Variants in RCC1L observed in about 807,000 individuals in gnomAD.
RCC1L encodes RCC1 like, also known as RCC1-like G exchanging factor-like protein.
A neutral mutation model predicts 58.6 loss-of-function variants in RCC1L; 46 were observed. The ratio of observed to expected loss-of-function variants is 0.79; its 90% confidence interval spans 0.62 to 1.00. RCC1L has a LOEUF of 1.00. Among genes scored for constraint, RCC1L ranks in the 50% least tolerant of loss-of-function variants. The pLI is 0.00. For missense variants in RCC1L, 636 were observed against 623.6 expected, an observed-to-expected ratio of 1.02 and a Z score of -0.21; for synonymous variants, 281 against 262.9, an observed-to-expected ratio of 1.07 and a Z score of -0.67.
At chr7:75,067,258 G>C (rs1291813218) in intron 2 of RCC1L, among the ~76,000 whole-genome samples, 1 of 150,018 alleles carries the variant, frequency 6.7e-6, no homozygotes, top group Non-Finnish European at 1.5e-5. Context: ...CTGAGATTGC[G>C]CCATTGCACT....
chr7:75,044,004 A>G (rs1478186568), intron 10 of RCC1L, among the ~76,000 whole-genome samples: 2 of 152,192 alleles, frequency 1.3e-5, no homozygotes, highest in Non-Finnish European at 2.9e-5. Flanking sequence ...AGGAGCCCTG[A>G]TCACACTGCC....
At chr7:75,030,385 G>T (rs1297898907) in intron 10 of RCC1L, among the ~76,000 whole-genome samples, 1 of 152,156 alleles carries the variant, frequency 6.6e-6, no homozygotes, top group Non-Finnish European at 1.5e-5. Context: ...GTGAGTGAGG[G>T]CAGGACTCGA....
intron 2 of RCC1L, among the ~76,000 whole-genome samples, chr7:75,070,177 G>A (rs782687835): frequency 6.6e-6 from 1 of 152,138 alleles, no homozygotes; most frequent in African/African-American, 2.4e-5. Flanking sequence ...TTACCAAAGA[G>A]GCTAAAAAAT....
chr7:75,032,178 C>T (rs1805321762), intron 10 of RCC1L, among the ~76,000 whole-genome samples: 1 of 152,164 alleles, frequency 6.6e-6, no homozygotes, highest in African/African-American at 2.4e-5. Context: ...AGCTACTATG[C>T]CCAGCATCCC....
chr7:75,056,045 C>T lies in RCC1L; in HGVS notation c.1087G>A (p.Gly363Arg), dbSNP rs782224093. The change falls in exon 9 of 11, where the codon GGA becomes AGA. Residue 363 changes from glycine (G) to arginine (R), a missense_variant. Coordinates refer to ENST00000610322, the MANE Select transcript of RCC1L (RefSeq NM_030798.5). ...GEGHVFVWGY[G>R]ILGKGPNLVE... is the part of the protein sequence containing the mutation. ...AGGTTTGGACCTTTCCCAAGAATTC[C>T]ATAGCCCCAGACAAAAACATGTCCT... 2 of 1,613,844 alleles carry T rather than the reference C, an allele frequency of 1.2e-6. No homozygotes were observed. Among genetic ancestry groups the T allele is most frequent in the Non-Finnish European group, 1.7e-6 (2 of 1,179,866 alleles).
intron 6 of RCC1L, 113 bp from the exon 7 acceptor site, chr7:75,058,882 A>C: frequency 7.3e-7 from 1 of 1,362,270 alleles, no homozygotes; most frequent in South Asian, 1.3e-5. Context: ...TCAGCTCAGA[A>C]ATCCCAGTCT....
intron 10 of RCC1L, among the ~76,000 whole-genome samples, chr7:75,034,613 C>T (rs928136713): frequency 2.6e-5 from 4 of 152,182 alleles, no homozygotes; most frequent in Non-Finnish European, 5.9e-5. Context: ...CAGAACATCA[C>T]ATTTGGGATG....
chr7:75,069,131 T>A lies in RCC1L; in HGVS notation c.454+1509A>T, dbSNP rs2132011825. Reference sequence around the variant, plus strand: ...ATCCACCCGCCTCGGCCTCCCAAAGTGCTGGGATTACAGGCGTGAGCCACT... The same window carrying A: ...ATCCACCCGCCTCGGCCTCCCAAAGAGCTGGGATTACAGGCGTGAGCCACT... On this transcript the variant is annotated intron_variant, in intron 2 of 10. Transcript: ENST00000610322. Among the ~76,000 whole-genome samples, 2 of 152,192 alleles carry A rather than the reference T, an allele frequency of 1.3e-5. 1 individual carries two copies.
intron 6 of RCC1L, 78 bp downstream of exon 6, chr7:75,061,129 T>A (rs1044216869): frequency 8.5e-7 from 1 of 1,178,522 alleles, no homozygotes; most frequent in Non-Finnish European, 1.3e-6. Context: ...TTCTAGCCCA[T>A]AAATGCCCTA....
At chr7:75,040,729 G>C (rs955078566), downstream of RCC1L, among the ~76,000 whole-genome samples, 4 of 152,044 alleles carry the variant, frequency 2.6e-5, no homozygotes, top group African/African-American at 4.8e-5. Flanking sequence ...CCCCAGTAAC[G>C]GTTTCAGGAA....
chr7:75,059,620 A>T (rs908774066), intron 6 of RCC1L, among the ~76,000 whole-genome samples: 5 of 152,044 alleles, frequency 3.3e-5, no homozygotes, highest in African/African-American at 1.2e-4. Context: ...TATGTTGCCC[A>T]GGCTGGTATC....
chr7:75,037,621 C>G (rs1805457222), downstream of RCC1L, among the ~76,000 whole-genome samples: 1 of 151,908 alleles, frequency 6.6e-6, no homozygotes, highest in Non-Finnish European at 1.5e-5. Flanking sequence ...TCTCCTGCCT[C>G]AGCCTCCCAA....
rs587733986 is a variant in RCC1L, at chr7:75,068,062, G to A, written c.455-1270C>T. ...GGGCCGGGCACGGTGGGTCACGCCTGTAATCCCACCACTTTGGGAGGCCGA... is the reference window on the plus strand; with the variant it reads ...GGGCCGGGCACGGTGGGTCACGCCTATAATCCCACCACTTTGGGAGGCCGA... On this transcript the variant is annotated intron_variant, in intron 2 of 10. Transcript: ENST00000610322. Among the ~76,000 whole-genome samples the A allele has an allele frequency of 2.0e-5, 3 of 152,210 alleles. No homozygotes were observed. In the South Asian group the frequency reaches 6.2e-4, roughly 32 times the overall value.
intron 10 of RCC1L, among the ~76,000 whole-genome samples, chr7:75,031,611 G>A (rs1438721389): frequency 6.6e-6 from 1 of 152,118 alleles, no homozygotes; most frequent in Non-Finnish European, 1.5e-5. Flanking sequence ...ACTGTGGTCG[G>A]GGGAACACAG....
intron 10 of RCC1L, among the ~76,000 whole-genome samples, chr7:75,033,237 G>GCTA: frequency 6.6e-6 from 1 of 152,258 alleles, no homozygotes; most frequent in South Asian, 2.1e-4. Flanking sequence ...GGGATGCAGT[G>GCTA]CTAGGATGGA....
At chr7:75,069,314 TC>T (rs1406285124) in intron 2 of RCC1L, among the ~76,000 whole-genome samples, 2 of 152,172 alleles carry the variant, frequency 1.3e-5, no homozygotes, top group African/African-American at 4.8e-5. Context: ...TACCTCAGCC[TC>T]TGGAGTAACT....
chr7:75,070,555 C>T (rs880003169), intron 2 of RCC1L, 85 bp downstream of exon 2: 1 of 1,536,570 alleles, frequency 6.5e-7, no homozygotes, highest in Non-Finnish European at 8.8e-7. Flanking sequence ...TGGCAACAGA[C>T]TGAGACTCTG....
chr7:75,041,352 G>C (rs1282928175), downstream of RCC1L, among the ~76,000 whole-genome samples: 2 of 152,008 alleles, frequency 1.3e-5, no homozygotes, highest in African/African-American at 2.4e-5. Flanking sequence ...TCCCTCCCTA[G>C]AATGTAAGCT....
chr7:75,067,489 C>T lies in RCC1L; in HGVS notation c.455-697G>A, dbSNP rs141708188. ...TACTAAAAATACAAAATTAGCCAGA[C>T]GTGATGGTGGACGCCTGTAGTCCCA... On this transcript the variant is annotated intron_variant, in intron 2 of 10. Coordinates refer to ENST00000610322, the MANE Select transcript of RCC1L (RefSeq NM_030798.5). Among the ~76,000 whole-genome samples, 824 of 151,866 alleles carry T rather than the reference C, an allele frequency of 5.4e-3. 1 individual carries two copies. The highest frequency in any genetic ancestry group is 0.017 in the Middle Eastern group (5 of 294).
Sources: allele counts gnomAD v4.1 joint callset (sites outside exome capture counted in the v4.1 genomes callset), GRCh38; gene constraint gnomAD v4.1.1; transcripts MANE v1.5; gene names NCBI Gene and HGNC (gene_info 2026-07-23, HGNC 2026-07-21).